EPHA10: variants seen among roughly 807,000 people sequenced by gnomAD.
EPHA10 encodes the protein EPH receptor A10, also known as ephrin type-A receptor 10.
In EPHA10, 120 loss-of-function variants were observed where a neutral mutation model predicts 109.7. The ratio of observed to expected loss-of-function variants is 1.09; its 90% CI spans 0.94 to 1.27. EPHA10 has a LOEUF of 1.27. EPHA10 is among the 50% of genes most tolerant of loss of function. The pLI is 0.00. For synonymous variants in EPHA10, 640 were observed against 618.9 expected, an observed-to-expected ratio of 1.03 and a Z score of -0.51; for missense variants, 1,396 against 1,411.1, an observed-to-expected ratio of 0.99 and a Z score of 0.17.
At chr1:37,760,084 A>T (rs1318575931) in intron 3 of EPHA10, among the ~76,000 whole-genome samples, 4 of 152,202 alleles carry the variant, frequency 2.6e-5, no homozygotes, top group Non-Finnish European at 5.9e-5. Flanking sequence ...TGAACAAAGG[A>T]ATGAGAGCAA....
At chr1:37,729,229 A>T (rs368607977) in intron 7 of EPHA10, among the ~76,000 whole-genome samples, 1 of 152,194 alleles carries the variant, frequency 6.6e-6, no homozygotes. Flanking sequence ...CGAGATGATC[A>T]CAGCCCCTGA....
intron 8 of EPHA10, among the ~76,000 whole-genome samples, chr1:37,724,493 C>T (rs541991172): frequency 1.2e-3 from 178 of 152,188 alleles, no homozygotes; most frequent in African/African-American, 4.1e-3. Context: ...GAAACCCCAA[C>T]ATCTAGGCTA....
At chr1:37,714,499 A>G (rs1435663327), downstream of EPHA10, among the ~76,000 whole-genome samples, 2 of 152,002 alleles carry the variant, frequency 1.3e-5, no homozygotes, top group African/African-American at 4.8e-5. Flanking sequence ...CCACTCCCCA[A>G]TCCTCTCATC....
Position 37,727,203 on chromosome 1 carries a change from T to A in EPHA10, c.1671A>T (p.Ser557=). The part of the protein sequence containing the change: ...IEVQTLGEAA[S]GSRDQSPAIV... ...TGGCGGGGCTCTGGTCCCTGGACCC[T>A]GAGGCAGCTGGGAGGAAAATCACGA... The change falls in exon 8 of 17, where the codon TCA becomes TCT. Residue 557 remains serine (S), a synonymous_variant. Coordinates refer to ENST00000373048, the MANE Select transcript of EPHA10 (RefSeq NM_001099439.2). The A allele has an allele frequency of 6.3e-7, 1 of 1,599,820 alleles. No homozygotes were observed. The highest frequency in any genetic ancestry group is 8.5e-7 in the Non-Finnish European group (1 of 1,172,770).
chr1:37,752,477 G>A (rs1646342533), intron 5 of EPHA10, among the ~76,000 whole-genome samples: 1 of 152,142 alleles, frequency 6.6e-6, no homozygotes, highest in African/African-American at 2.4e-5. Context: ...GGGAAGGTAA[G>A]AGATTAAGGG....
At chr1:37,715,552 G>A (rs1331628825), downstream of EPHA10, among the ~76,000 whole-genome samples, 1 of 152,116 alleles carries the variant, frequency 6.6e-6, no homozygotes, top group East Asian at 1.9e-4. Flanking sequence ...TGTGCTCCGA[G>A]GTTCAGACCA....
intron 5 of EPHA10, among the ~76,000 whole-genome samples, chr1:37,748,220 G>A (rs1405607494): frequency 1.3e-5 from 2 of 151,986 alleles, no homozygotes; most frequent in African/African-American, 4.8e-5. Flanking sequence ...TTAGCTGGGC[G>A]TGGTGGTGGT....
At chr1:37,735,528 G>T in intron 5 of EPHA10, 138 bp from the exon 6 acceptor site, 1 of 1,046,610 alleles carries the variant, frequency 9.6e-7, no homozygotes, top group South Asian at 1.7e-5. Context: ...GGCTGTGGGC[G>T]GGGCTAGGGA....
In EPHA10 at chr1:37,765,078, C is replaced by G. The variant is rs576381247; in HGVS notation, c.-12G>C. The G allele has an allele frequency of 4.6e-5, 73 of 1,582,514 alleles. No homozygotes were observed. In the Middle Eastern group the frequency reaches 6.8e-4, roughly 15 times the overall value. On this transcript the variant is annotated 5_prime_UTR_variant, in exon 1 of 17. Coordinates refer to ENST00000373048, the MANE Select transcript of EPHA10 (RefSeq NM_001099439.2). Reference sequence around the variant, plus strand: ...GCGCAGGTCTCCATGGTCCGCAGACCGAGCTGTCAGTCCGGCGGCGGCTCA... The same window carrying G: ...GCGCAGGTCTCCATGGTCCGCAGACGGAGCTGTCAGTCCGGCGGCGGCTCA...
chr1:37,736,452 G>C (rs1473116069), intron 5 of EPHA10, among the ~76,000 whole-genome samples: 1 of 107,062 alleles, frequency 9.3e-6, no homozygotes, highest in Non-Finnish European at 2.0e-5. Context: ...CTCCAGCCTG[G>C]GCAACAAAAG....
rs139904188 is a variant in EPHA10 at position 37,756,890 on chromosome 1, A to G, written c.851-2520T>C. Among the ~76,000 whole-genome samples, 108 of 152,158 alleles carry G rather than the reference A, an allele frequency of 7.1e-4. 1 individual carries two copies. The highest frequency in any genetic ancestry group is 4.1e-3 in the East Asian group (21 of 5,174). ...GCCCAGGCTGGAGTGCAGTGGCACA[A>G]TCATAGCTCACTACAGCCCCTGCCT... is the stretch of plus-strand genomic sequence containing the variant. On this transcript the variant is annotated intron_variant, in intron 3 of 16. Coordinates refer to ENST00000373048, the MANE Select transcript of EPHA10 (RefSeq NM_001099439.2).
At position 37,761,612 on chromosome 1, in the gene EPHA10, C is replaced by A; in HGVS notation, c.643G>T (p.Val215Leu). 1.2e-6 allele frequency: 2 copies of A among 1,603,044 alleles called. No homozygotes were observed. The highest frequency in any genetic ancestry group is 1.7e-6 in the Non-Finnish European group (2 of 1,179,126). Residue 215 changes from valine to leucine, a missense_variant, in exon 3 of 17, where the codon GTG becomes TTG. Coordinates refer to ENST00000373048, the MANE Select transcript of EPHA10 (RefSeq NM_001099439.2). Reference protein sequence around the residue: ...RVYYKQCRATVRGLATFPATA... With the variant: ...RVYYKQCRATLRGLATFPATA... ...GCTGGGAACGTGGCCAGGCCCCGCA[C>A]GGTGGCGCGGCACTGCTTGTAGTAG... is the stretch of plus-strand genomic sequence containing the variant.
chr1:37,746,325 G>T (rs1646242016), intron 5 of EPHA10, among the ~76,000 whole-genome samples: 1 of 151,966 alleles, frequency 6.6e-6, no homozygotes, highest in Admixed American at 6.6e-5. Context: ...TCGAACTCCT[G>T]ACCTCAGGTG....
chr1:37,758,569 C>T (rs1159954219), intron 3 of EPHA10, among the ~76,000 whole-genome samples: 1 of 152,214 alleles, frequency 6.6e-6, no homozygotes, highest in African/African-American at 2.4e-5. Context: ...TCCTGGACAC[C>T]TTCAATCTCT....
chr1:37,726,533 C>T (rs1645894951), intron 8 of EPHA10, among the ~76,000 whole-genome samples: 1 of 152,250 alleles, frequency 6.6e-6, no homozygotes, highest in Admixed American at 6.5e-5. Context: ...CAGAAGGCCT[C>T]TGCTGCCTGC....
In EPHA10 at chr1:37,732,863, C is replaced by CTTTTTTTTTTTTTTTTTTTT. The variant is rs56226051; in HGVS notation, c.1492-1301_1492-1282dup. ...CAAATATAGCCCTTTTATACTTGTT[C>CTTTTTTTTTTTTTTTTTTTT]TTTTTTTTTTTTTTTTTTTTTTTTT... is the stretch of plus-strand genomic sequence containing the variant. On this transcript the variant is annotated intron_variant, in intron 6 of 16. Transcript: ENST00000373048. Among the ~76,000 whole-genome samples, 7 of 25,004 alleles carry CTTTTTTTTTTTTTTTTTTTT rather than the reference C, an allele frequency of 2.8e-4. 2 individuals carry two copies. Among genetic ancestry groups the CTTTTTTTTTTTTTTTTTTTT allele is most frequent in the African/African-American group, 6.7e-4 (5 of 7,464 alleles). 16.4% of individuals were successfully genotyped at this position (25,004 alleles called of 152,430 possible).
chr1:37,745,484 G>T (rs1235800249), intron 5 of EPHA10, among the ~76,000 whole-genome samples: 2 of 152,136 alleles, frequency 1.3e-5, no homozygotes, highest in Non-Finnish European at 2.9e-5. Flanking sequence ...TCCTCAAAAA[G>T]TTAAAAAGTT....
At chr1:37,737,663 G>T (rs1326054874) in intron 5 of EPHA10, among the ~76,000 whole-genome samples, 1 of 152,160 alleles carries the variant, frequency 6.6e-6, no homozygotes, top group Non-Finnish European at 1.5e-5. Flanking sequence ...ACTCCTAGAA[G>T]AAAACACAGG....
chr1:37,757,788 G>A (rs1271084741), intron 3 of EPHA10, among the ~76,000 whole-genome samples: 1 of 152,124 alleles, frequency 6.6e-6, no homozygotes, highest in Non-Finnish European at 1.5e-5. Context: ...ACACAACAAT[G>A]AATAAAACAG....
Sources: allele counts gnomAD v4.1 joint callset (sites outside exome capture counted in the v4.1 genomes callset), GRCh38; gene constraint gnomAD v4.1.1; transcripts MANE v1.5; gene names NCBI Gene and HGNC (gene_info 2026-07-23, HGNC 2026-07-21).